Variants in MAN1C1 observed in about 807,000 individuals in gnomAD.
MAN1C1 encodes the protein mannosyl-oligosaccharide 1,2-alpha-mannosidase IC.
In MAN1C1, 49 loss-of-function variants were observed where a neutral mutation model predicts 71.5. The ratio of observed to expected loss-of-function variants is 0.69; its 90% CI spans 0.54 to 0.87. The LOEUF is 0.87. MAN1C1 is among the 40% of genes least tolerant of loss of function. The pLI is 0.00. For synonymous variants in MAN1C1, 352 were observed against 343.7 expected, an observed-to-expected ratio of 1.02 and a Z score of -0.27; for missense variants, 743 against 835.0, an observed-to-expected ratio of 0.89 and a Z score of 1.36.
intron 1 of MAN1C1, among the ~76,000 whole-genome samples, chr1:25,656,551 A>T (rs2045770704): frequency 6.6e-6 from 1 of 152,142 alleles, no homozygotes; most frequent in Non-Finnish European, 1.5e-5. Flanking sequence ...TCATGTTTGG[A>T]TAAATAAGCC....
intron 7 of MAN1C1, among the ~76,000 whole-genome samples, chr1:25,767,545 C>G (rs2047452429): frequency 7.0e-6 from 1 of 143,106 alleles, no homozygotes; most frequent in Non-Finnish European, 1.5e-5. Context: ...CACACACTCC[C>G]CTCACACACA....
rs570130546 is a variant in MAN1C1 at position 25,772,622 on chromosome 1, T to G, written c.1257+850T>G. 6.6e-5 allele frequency among the ~76,000 whole-genome samples: 10 copies of G among 152,278 alleles called. No individual in the cohort carries two copies. In the East Asian group the frequency reaches 1.7e-3, roughly 26 times the overall value. ...CCTTGGTCTACACTACCTCCTTATTTTCTCTAAACTGGCTTCCCCTCTGCC... is the reference window on the plus strand; with the variant it reads ...CCTTGGTCTACACTACCTCCTTATTGTCTCTAAACTGGCTTCCCCTCTGCC... On this transcript the variant is annotated intron_variant, in intron 8 of 11. Coordinates refer to ENST00000374332, the MANE Select transcript of MAN1C1 (RefSeq NM_020379.4).
chr1:25,712,268 A>C (rs1461248305), intron 2 of MAN1C1, among the ~76,000 whole-genome samples: 1 of 152,200 alleles, frequency 6.6e-6, no homozygotes, highest in African/African-American at 2.4e-5. Flanking sequence ...CAGTTATAGA[A>C]GACATTTTTG....
chr1:25,737,283 T>C (rs2124315266), intron 2 of MAN1C1, among the ~76,000 whole-genome samples: 1 of 152,366 alleles, frequency 6.6e-6, no homozygotes. Context: ...TCTCCAGCCA[T>C]TGGCTGCAGT....
chr1:25,766,540 C>G, intron 7 of MAN1C1, among the ~76,000 whole-genome samples: 1 of 152,176 alleles, frequency 6.6e-6, no homozygotes, highest in East Asian at 1.9e-4. Flanking sequence ...GGAGTTAGGA[C>G]TGCATCTCAG....
At chr1:25,756,014 T>C (rs1262568725) in intron 5 of MAN1C1, among the ~76,000 whole-genome samples, 2 of 152,204 alleles carry the variant, frequency 1.3e-5, no homozygotes, top group African/African-American at 4.8e-5. Flanking sequence ...ACTTACTCTG[T>C]GGCCTCGCCC....
intron 1 of MAN1C1, among the ~76,000 whole-genome samples, chr1:25,670,207 G>A (rs960776613): frequency 1.1e-4 from 17 of 152,224 alleles, no homozygotes; most frequent in Admixed American, 1.0e-3. Context: ...ACGCCACTAA[G>A]CAGTCTTTAG....
intron 2 of MAN1C1, among the ~76,000 whole-genome samples, chr1:25,729,036 G>C (rs2046872405): frequency 6.6e-6 from 1 of 152,334 alleles, no homozygotes; most frequent in Admixed American, 6.5e-5. Context: ...CCCTTCGTTA[G>C]CTTCTAATGT....
At chr1:25,765,821 C>A (rs1485805761) in intron 7 of MAN1C1, among the ~76,000 whole-genome samples, 1 of 152,172 alleles carries the variant, frequency 6.6e-6, no homozygotes, top group African/African-American at 2.4e-5. Context: ...GGAATTTCCC[C>A]CAGGGACGAC....
At chr1:25,757,159 C>G (rs1220671264) in intron 5 of MAN1C1, among the ~76,000 whole-genome samples, 1 of 152,222 alleles carries the variant, frequency 6.6e-6, no homozygotes, top group Admixed American at 6.5e-5. Flanking sequence ...CCAGCCCTAT[C>G]CCAGGAAAAG....
At chr1:25,656,146 G>A (rs2045763883) in intron 1 of MAN1C1, among the ~76,000 whole-genome samples, 1 of 127,004 alleles carries the variant, frequency 7.9e-6, no homozygotes, top group Non-Finnish European at 1.5e-5. Context: ...CGCCTAGGCT[G>A]GAGTGCAGTG....
chr1:25,630,155 C>T (rs961239355), intron 1 of MAN1C1, among the ~76,000 whole-genome samples: 4 of 151,992 alleles, frequency 2.6e-5, no homozygotes, highest in African/African-American at 9.7e-5. Context: ...GTGCCCTTTA[C>T]CCTATTTAAA....
intron 1 of MAN1C1, among the ~76,000 whole-genome samples, chr1:25,619,637 G>A (rs2045175165): frequency 1.3e-5 from 2 of 152,220 alleles, no homozygotes; most frequent in Non-Finnish European, 2.9e-5. Flanking sequence ...TGCTTGGTGT[G>A]TATGTGTGTG....
rs536136567 is a variant in MAN1C1, at chr1:25,746,373, G to T, written c.638-295G>T. Among the ~76,000 whole-genome samples the T allele has an allele frequency of 3.2e-4, 48 of 152,354 alleles. No individual in the cohort carries two copies. The highest frequency in any genetic ancestry group is 8.7e-4 in the African/African-American group (36 of 41,580). ...AGTGGGTGGCTGATTGGCACTGATA[G>T]TTGACCCGCTGACCAACAGAAGAGT... On this transcript the variant is annotated intron_variant, in intron 2 of 11. Coordinates refer to ENST00000374332, the MANE Select transcript of MAN1C1 (RefSeq NM_020379.4). The surrounding 1 kb of genome is among the most constrained non-coding windows in gnomAD (Gnocchi z 4.0).
rs967050575 is a variant in MAN1C1 at position 25,776,036 on chromosome 1, A to G, written c.1258-2069A>G. ...CAAGTAGCTGGGACTACAGGTATGC[A>G]CTACCGTGCCTGGCTAATTCTTATA... On this transcript the variant is annotated intron_variant, in intron 8 of 11. Transcript: ENST00000374332. The surrounding 1 kb of genome is among the most constrained non-coding windows in gnomAD (Gnocchi z 4.3). 1 of 151,990 alleles carries G rather than the reference A, an allele frequency of 6.6e-6. No homozygotes were observed. Among genetic ancestry groups the G allele is most frequent in the East Asian group, 1.9e-4 (1 of 5,158 alleles). 9.4% of individuals were successfully genotyped at this position (151,990 alleles called of 1,614,324 possible).
intron 2 of MAN1C1, among the ~76,000 whole-genome samples, chr1:25,710,636 G>A (rs1441581671): frequency 1.3e-5 from 2 of 152,084 alleles, no homozygotes; most frequent in African/African-American, 2.4e-5. Flanking sequence ...TGTAAATTGC[G>A]GGGACCCAGT....
chr1:25,732,748 CA>C (rs1429513923), intron 2 of MAN1C1, among the ~76,000 whole-genome samples: 1 of 152,226 alleles, frequency 6.6e-6, no homozygotes, highest in African/African-American at 2.4e-5. Context: ...CCAGCAACTA[CA>C]AAGACCCTCC....
At chr1:25,733,088 C>T (rs1032420363) in intron 2 of MAN1C1, among the ~76,000 whole-genome samples, 2 of 152,178 alleles carry the variant, frequency 1.3e-5, no homozygotes, top group African/African-American at 4.8e-5. Context: ...GCTCACATGC[C>T]CTGTGGTCTT....
chr1:25,691,629 C>T (rs772095554), intron 2 of MAN1C1, among the ~76,000 whole-genome samples: 30 of 152,196 alleles, frequency 2.0e-4, no homozygotes, highest in African/African-American at 6.3e-4. Flanking sequence ...TTGGGGTGGG[C>T]GTCCAAGTCC....
Sources: gnomAD v4.1 joint callset for allele counts (sites outside exome capture counted in the v4.1 genomes callset) on GRCh38, gnomAD v4.1.1 for gene constraint, Gnocchi (gnomAD v3.1) non-coding constraint, MANE v1.5 for transcripts, NCBI Gene and HGNC (gene_info 2026-07-23, HGNC 2026-07-21) for gene names.